Variants in ROBO2 observed in about 807,000 individuals in gnomAD.
ROBO2 encodes roundabout guidance receptor 2, also known as roundabout homolog 2.
ROBO2 carries 53 observed loss-of-function variants against 160.8 expected under a neutral mutation model. The observed-to-expected ratio is 0.33, with a 90% CI of 0.26 to 0.41. The LOEUF (loss-of-function observed/expected upper bound fraction) is 0.41, where lower values mean the gene tolerates loss of function less well. Among genes scored for constraint, ROBO2 ranks in the 10% least tolerant of loss-of-function variants. The pLI is 1.00. For missense variants in ROBO2, 1,577 were observed against 1,722.4 expected (o/e 0.92, Z 1.49); for synonymous variants, 664 against 611.7 (o/e 1.09, Z -1.26).
At chr3:77,309,471 A>G (rs961456962) in intron 2 of ROBO2, among the ~76,000 whole-genome samples, 1 of 152,228 alleles carries the variant, frequency 6.6e-6, no homozygotes, top group African/African-American at 2.4e-5. Context: ...ATGTGCCTTC[A>G]TGCTTATGGA....
At chr3:77,316,011 A>T (rs1372910131) in intron 2 of ROBO2, among the ~76,000 whole-genome samples, 1 of 152,184 alleles carries the variant, frequency 6.6e-6, no homozygotes, top group Non-Finnish European at 1.5e-5. Flanking sequence ...TTAAACTGCT[A>T]AAAAACAAAT....
chr3:76,687,828 G>A (rs1429746257), intron 2 of ROBO2, among the ~76,000 whole-genome samples: 5 of 151,980 alleles, frequency 3.3e-5, no homozygotes, highest in Non-Finnish European at 7.4e-5. Flanking sequence ...TAAATGAAGT[G>A]TCTCCATATT....
At chr3:76,298,521 G>A (rs1490090926) in intron 2 of ROBO2, among the ~76,000 whole-genome samples, 1 of 152,146 alleles carries the variant, frequency 6.6e-6, no homozygotes, top group African/African-American at 2.4e-5. Flanking sequence ...GGGTATCACT[G>A]TGATAGATTC....
At chr3:76,575,436 T>A (rs1182550480) in intron 2 of ROBO2, among the ~76,000 whole-genome samples, 5 of 152,058 alleles carry the variant, frequency 3.3e-5, no homozygotes, top group African/African-American at 1.2e-4. Context: ...ACCATGTAAT[T>A]TCATGGTACC....
chr3:77,115,133 A>G (rs2074071435), intron 2 of ROBO2, among the ~76,000 whole-genome samples: 1 of 152,148 alleles, frequency 6.6e-6, no homozygotes, highest in Non-Finnish European at 1.5e-5. Context: ...CACTTCTTCC[A>G]TTGTGTTTTA....
chr3:76,424,417 T>C (rs1159902509), intron 2 of ROBO2, among the ~76,000 whole-genome samples: 1 of 152,130 alleles, frequency 6.6e-6, no homozygotes, highest in Non-Finnish European at 1.5e-5. Flanking sequence ...GAAAGACAAA[T>C]GCTGCCTGAT....
At chr3:75,961,580 C>G (rs981167376) in intron 2 of ROBO2, among the ~76,000 whole-genome samples, 9 of 151,562 alleles carry the variant, frequency 5.9e-5, no homozygotes, top group African/African-American at 2.2e-4. Context: ...AAGGGTGTAG[C>G]ATTCTTTATA....
intron 2 of ROBO2, among the ~76,000 whole-genome samples, chr3:76,250,617 G>A (rs547890217): frequency 1.5e-3 from 222 of 152,050 alleles, no homozygotes; most frequent in Middle Eastern, 0.014. Context: ...ATATCCCTGC[G>A]CTTCAGTTTA....
chr3:76,555,376 AAG>A (rs1491514093), intron 2 of ROBO2, among the ~76,000 whole-genome samples: 1 of 53,074 alleles, frequency 1.9e-5, no homozygotes, highest in Non-Finnish European at 5.5e-5. Context: ...GAAGAAGAAG[AAG>A]AAGAAGAAGA....
At chr3:76,735,984 T>A (rs1011115419) in intron 2 of ROBO2, among the ~76,000 whole-genome samples, 11 of 151,672 alleles carry the variant, frequency 7.3e-5, no homozygotes, top group Non-Finnish European at 1.5e-4. Flanking sequence ...AACTCTTTTT[T>A]AAAATAATCC....
intron 2 of ROBO2, among the ~76,000 whole-genome samples, chr3:77,234,797 A>T (rs886202094): frequency 6.6e-6 from 1 of 152,162 alleles, no homozygotes; most frequent in African/African-American, 2.4e-5. Context: ...CAAAAATTCA[A>T]ATAGTGTCTG....
At chr3:76,415,712 G>A (rs1404355439) in intron 2 of ROBO2, among the ~76,000 whole-genome samples, 10 of 152,062 alleles carry the variant, frequency 6.6e-5, no homozygotes, top group East Asian at 1.9e-4. Context: ...ATAAATATGC[G>A]TAGGTATATG....
Position 76,423,617 on chromosome 3 carries a change from A to G in ROBO2, c.109+486015A>G, listed in dbSNP as rs75648682. On this transcript the variant is annotated intron_variant, in intron 2 of 26. Coordinates refer to the ROBO2 transcript ENST00000487694. ...TTGGAAAATGGGATTTGATCACCAGATGATTAAATGTTTGTATTCAGAATT... is the reference window on the plus strand; with the variant it reads ...TTGGAAAATGGGATTTGATCACCAGGTGATTAAATGTTTGTATTCAGAATT... Among the ~76,000 whole-genome samples, 43 of 152,288 alleles carry G rather than the reference A, an allele frequency of 2.8e-4. No individual in the cohort carries two copies. The East Asian group carries it at 7.9e-3, about 28-fold the overall frequency.
chr3:76,714,345 G>C (rs543207474), intron 2 of ROBO2, among the ~76,000 whole-genome samples: 1 of 152,142 alleles, frequency 6.6e-6, no homozygotes, highest in Non-Finnish European at 1.5e-5. Flanking sequence ...GATAATTACA[G>C]CTCAGGCGTG....
intron 13 of ROBO2, among the ~76,000 whole-genome samples, chr3:77,571,165 C>T (rs149442250): frequency 1.7e-3 from 255 of 152,080 alleles, no homozygotes; most frequent in Middle Eastern, 6.8e-3. Context: ...AAGAGTGCTT[C>T]GACAAACTAG....
At chr3:76,043,460 T>C (rs1388853557) in intron 2 of ROBO2, among the ~76,000 whole-genome samples, 1 of 151,170 alleles carries the variant, frequency 6.6e-6, no homozygotes, top group Non-Finnish European at 1.5e-5. Context: ...GTAACAAGAT[T>C]ACTGAATTTC....
chr3:76,410,565 A>T (rs1196589100), intron 2 of ROBO2, among the ~76,000 whole-genome samples: 2 of 152,138 alleles, frequency 1.3e-5, no homozygotes, highest in Non-Finnish European at 2.9e-5. Context: ...GAGACCACTG[A>T]TATTAGATTC....
At chr3:76,395,687 T>G (rs563323330) in intron 2 of ROBO2, among the ~76,000 whole-genome samples, 1 of 152,170 alleles carries the variant, frequency 6.6e-6, no homozygotes, top group South Asian at 2.1e-4. Context: ...GAGAATACTA[T>G]AAACACCTCT....
intron 2 of ROBO2, among the ~76,000 whole-genome samples, chr3:76,894,070 T>C (rs1334611881): frequency 6.6e-6 from 1 of 152,144 alleles, no homozygotes; most frequent in East Asian, 1.9e-4. Flanking sequence ...TGAATGGCGA[T>C]ACACCCTTTT....
Sources: allele counts gnomAD v4.1 joint callset (sites outside exome capture counted in the v4.1 genomes callset), GRCh38; gene constraint gnomAD v4.1.1; transcripts MANE v1.5; gene names NCBI Gene and HGNC (gene_info 2026-07-23, HGNC 2026-07-21).